Variants in LRFN5 observed in about 807,000 individuals in gnomAD.
LRFN5 encodes the protein leucine-rich repeat and fibronectin type-III domain-containing protein 5.
In LRFN5, 24 loss-of-function variants were observed where a neutral mutation model predicts 45.6. The ratio of observed to expected loss-of-function variants is 0.53; its 90% CI spans 0.38 to 0.74. The LOEUF is 0.74. Ranked by LOEUF, LRFN5 falls within the 30% of genes least tolerant of loss-of-function variation. LRFN5 has a pLI of 0.00. For missense variants in LRFN5, 776 were observed against 861.5 expected, an observed-to-expected ratio of 0.90 and a Z score of 1.24; for synonymous variants, 340 against 313.8, an observed-to-expected ratio of 1.08 and a Z score of -0.88.
At chr14:41,698,209 C>A (rs1882695946) in intron 1 of LRFN5, among the ~76,000 whole-genome samples, 1 of 151,920 alleles carries the variant, frequency 6.6e-6, no homozygotes, top group Admixed American at 6.6e-5. Flanking sequence ...TATATTACAT[C>A]CAGAAATCCT....
chr14:41,749,450 T>C (rs758795200), intron 1 of LRFN5, among the ~76,000 whole-genome samples: 2 of 152,172 alleles, frequency 1.3e-5, no homozygotes, highest in Non-Finnish European at 2.9e-5. Context: ...ATGTGCTACA[T>C]ATACACTACG....
rs760158675 is a variant in LRFN5 at position 41,887,953 on chromosome 14, G to T, written c.1328G>T (p.Gly443Val). The T allele has an allele frequency of 6.2e-7, 1 of 1,613,614 alleles. No individual in the cohort carries two copies. The highest frequency in any genetic ancestry group is 8.5e-7 in the Non-Finnish European group (1 of 1,179,736). ...LKFNFQRNIP[G>V]IRMFQIQYNG... ...TTTAATTTTCAAAGAAATATCCCTGGAATACGTATGTTTCAAATCCAGTAC... is the reference window on the plus strand; with the variant it reads ...TTTAATTTTCAAAGAAATATCCCTGTAATACGTATGTTTCAAATCCAGTAC... The change falls in exon 3 of 6, where the codon GGA (glycine) becomes GTA (valine). Residue 443 changes from glycine to valine, a missense_variant. This residue lies in a region of LRFN5 where 465 missense variants were observed against 456.4 expected (regional missense o/e 1.02). Transcript: ENST00000298119. The surrounding 1 kb of genome is among the most constrained non-coding windows in gnomAD (Gnocchi z 4.8).
intron 1 of LRFN5, among the ~76,000 whole-genome samples, chr14:41,696,679 C>T (rs1378328732): frequency 1.3e-5 from 2 of 151,938 alleles, no homozygotes; most frequent in Non-Finnish European, 2.9e-5. Context: ...AACTTATATT[C>T]CCACTAACAG....
intron 1 of LRFN5, among the ~76,000 whole-genome samples, chr14:41,720,953 A>G (rs535714241): frequency 7.9e-5 from 12 of 152,150 alleles, no homozygotes; most frequent in South Asian, 2.1e-4. Flanking sequence ...TTCAGCATCA[A>G]TGGTCTATCT....
chr14:41,700,699 A>G (rs1882808182), intron 1 of LRFN5: 1 of 152,000 alleles, frequency 6.6e-6, no homozygotes, highest in Non-Finnish European at 1.5e-5. Context: ...GGATATAATC[A>G]TAAAATCATA....
chr14:41,893,751 T>C (rs1890856315), intron 4 of LRFN5: 1 of 985,248 alleles, frequency 1.0e-6, no homozygotes, highest in African/African-American at 1.7e-5. Context: ...GTGCCAGTCT[T>C]GAAAATAATT....
intron 2 of LRFN5, among the ~76,000 whole-genome samples, chr14:41,807,235 T>G (rs1024644492): frequency 6.6e-6 from 1 of 152,304 alleles, no homozygotes; most frequent in African/African-American, 2.4e-5. Flanking sequence ...TGAAGAAATA[T>G]GAACTGGTTA....
At chr14:41,631,746 GGAGT>G in intron 1 of LRFN5, among the ~76,000 whole-genome samples, 1 of 152,212 alleles carries the variant, frequency 6.6e-6, no homozygotes, top group Middle Eastern at 3.4e-3. Flanking sequence ...GCCTGAGAGA[GGAGT>G]GAGTTCAAGA....
intron 2 of LRFN5, among the ~76,000 whole-genome samples, chr14:41,824,586 A>T (rs1661178431): frequency 6.6e-6 from 1 of 152,070 alleles, no homozygotes; most frequent in Non-Finnish European, 1.5e-5. Context: ...CAGGTTTTTT[A>T]TTGGGTTATG....
At chr14:41,758,376 A>T (rs994380798) in intron 1 of LRFN5, among the ~76,000 whole-genome samples, 1 of 152,204 alleles carries the variant, frequency 6.6e-6, no homozygotes, top group Admixed American at 6.5e-5. Flanking sequence ...CCTTATGTGT[A>T]TTTCATATAA....
intron 4 of LRFN5, chr14:41,894,752 A>G: frequency 1.0e-6 from 1 of 983,894 alleles, no homozygotes; most frequent in Non-Finnish European, 1.2e-6. Flanking sequence ...AAATATGGCC[A>G]TGGAGTAAGG....
chr14:41,713,793 C>A (rs891861571), intron 1 of LRFN5, among the ~76,000 whole-genome samples: 4 of 152,096 alleles, frequency 2.6e-5, no homozygotes, highest in Middle Eastern at 3.2e-3. Context: ...ACAATCTCTT[C>A]CTGAAACAAT....
intron 1 of LRFN5, among the ~76,000 whole-genome samples, chr14:41,617,655 G>T (rs1466752556): frequency 6.6e-6 from 1 of 152,014 alleles, no homozygotes; most frequent in Non-Finnish European, 1.5e-5. Flanking sequence ...TGTTTGTATT[G>T]AGAAGGTATT....
At chr14:41,778,008 TGG>T (rs756865955) in intron 2 of LRFN5, among the ~76,000 whole-genome samples, 4 of 81,902 alleles carry the variant, frequency 4.9e-5, no homozygotes, top group Admixed American at 2.8e-4. Context: ...CCTTTTTTTT[TGG>T]TGGGGGGGGG....
intron 2 of LRFN5, among the ~76,000 whole-genome samples, chr14:41,813,885 T>A (rs1887824425): frequency 6.6e-6 from 1 of 151,856 alleles, no homozygotes; most frequent in African/African-American, 2.4e-5. Flanking sequence ...CTAATTGTGG[T>A]TTTGATTTGC....
At chr14:41,793,304 TGTA>T (rs1887000649) in intron 2 of LRFN5, among the ~76,000 whole-genome samples, 1 of 152,010 alleles carries the variant, frequency 6.6e-6, no homozygotes, top group Non-Finnish European at 1.5e-5. Context: ...CTAAATCATA[TGTA>T]AGGCACACAG....
intron 1 of LRFN5, among the ~76,000 whole-genome samples, chr14:41,679,738 G>A (rs1346018451): frequency 6.6e-6 from 1 of 152,098 alleles, no homozygotes; most frequent in Non-Finnish European, 1.5e-5. Context: ...GAAAGGACGA[G>A]TAAAGGGGAG....
chr14:41,872,403 G>A (rs761161396), intron 2 of LRFN5, among the ~76,000 whole-genome samples: 3 of 152,082 alleles, frequency 2.0e-5, no homozygotes, highest in Non-Finnish European at 4.4e-5. Context: ...ATTCATATTT[G>A]ATGCTTTAAT....
At chr14:41,628,344 A>T (rs1165904075) in intron 1 of LRFN5, among the ~76,000 whole-genome samples, 1 of 152,132 alleles carries the variant, frequency 6.6e-6, no homozygotes, top group Non-Finnish European at 1.5e-5. Flanking sequence ...TCATTGATTT[A>T]TTCATTCAAC....
Sources: gnomAD v4.1 joint callset for allele counts (sites outside exome capture counted in the v4.1 genomes callset) on GRCh38, gnomAD v4.1.1 for gene constraint, gnomAD v4.1.1 regional missense constraint, Gnocchi (gnomAD v3.1) non-coding constraint, MANE v1.5 for transcripts, NCBI Gene and HGNC (gene_info 2026-07-23, HGNC 2026-07-21) for gene names.